The following MYRFL variants were observed in gnomAD, a reference collection of about 807,000 sequenced individuals.
The protein encoded by MYRFL is myelin regulatory factor like.
Under a neutral mutation model 109.4 loss-of-function variants are expected in MYRFL, and 88 were observed. The ratio of observed to expected loss-of-function variants is 0.80; its 90% CI spans 0.68 to 0.96. MYRFL has a LOEUF of 0.96. MYRFL is among the 40% of genes least tolerant of loss of function. The pLI is 0.00. For missense variants in MYRFL, 957 were observed against 954.9 expected, an observed-to-expected ratio of 1.00 and a Z score of -0.03; for synonymous variants, 324 against 320.9, an observed-to-expected ratio of 1.01 and a Z score of -0.10.
At chr12:69,922,051 G>A (rs1041378046) in intron 13 of MYRFL, among the ~76,000 whole-genome samples, 9 of 152,184 alleles carry the variant, frequency 5.9e-5, no homozygotes, top group African/African-American at 2.2e-4. Flanking sequence ...CAGTGAGGAT[G>A]GAGAGAAGTG....
In MYRFL at chr12:69,879,314, G is replaced by A. The variant is rs548027062; in HGVS notation, c.325G>A (p.Asp109Asn). 4 of 702,834 alleles carry A rather than the reference G, an allele frequency of 5.7e-6. No individual in the cohort carries two copies. The highest frequency in any genetic ancestry group is 4.0e-5 in the Admixed American group (2 of 50,008). 43.5% of individuals were successfully genotyped at this position (702,834 alleles called of 1,614,324 possible). ...GCTGCAGAGCACCTCTGGAATGGGC[G>A]ACTCCTGCCAAATCCACGGAGGCTT... is the stretch of plus-strand genomic sequence containing the variant. ...HPLQSTSGMG[D>N]SCQIHGGFHS... is the part of the protein sequence containing the mutation. The change falls in exon 4 of 25, where the codon GAC becomes AAC. Residue 109 changes from aspartate to asparagine, a missense_variant. Physicochemically the swap from Asp to Asn is conservative, Grantham distance 23. Transcript: ENST00000552032.
chr12:69,956,836 T>C lies in MYRFL; in HGVS notation c.2451-986T>C, dbSNP rs537889215. 1.1e-4 allele frequency among the ~76,000 whole-genome samples: 16 copies of C among 152,282 alleles called. 1 individual carries two copies. The South Asian group carries it at 3.3e-3, about 32-fold the overall frequency. ...ATTTCAAGGCAGAGCAAAAGCTAAA[T>C]GTACTATTCTTATAAACTGAAAGTG... is the stretch of plus-strand genomic sequence containing the variant. On this transcript the variant is annotated intron_variant, in intron 22 of 24. Coordinates refer to ENST00000552032, the MANE Select transcript of MYRFL (RefSeq NM_182530.3).
At chr12:69,911,211 G>T (rs1383513041) in intron 13 of MYRFL, among the ~76,000 whole-genome samples, 1 of 152,190 alleles carries the variant, frequency 6.6e-6, no homozygotes, top group African/African-American at 2.4e-5. Context: ...AGTCCACTTA[G>T]CATGAATGCA....
intron 2 of MYRFL, among the ~76,000 whole-genome samples, chr12:69,876,202 G>A (rs1466381717): frequency 6.6e-6 from 1 of 152,152 alleles, no homozygotes; most frequent in Non-Finnish European, 1.5e-5. Flanking sequence ...GAAGGCTGTG[G>A]ATTTCTATCG....
intron 19 of MYRFL, among the ~76,000 whole-genome samples, chr12:69,943,832 T>A (rs1045061228): frequency 6.6e-6 from 1 of 151,778 alleles, no homozygotes; most frequent in Non-Finnish European, 1.5e-5. Flanking sequence ...CAAACACATT[T>A]ACAAGAAAAA....
chr12:69,869,161 A>G (rs1465007105), intron 2 of MYRFL, among the ~76,000 whole-genome samples: 1 of 152,254 alleles, frequency 6.6e-6, no homozygotes. Flanking sequence ...CAAAACAGAT[A>G]TAATCCCTGC....
intron 1 of MYRFL, among the ~76,000 whole-genome samples, chr12:69,829,810 C>T (rs1882511957): frequency 6.6e-6 from 1 of 152,084 alleles, no homozygotes; most frequent in African/African-American, 2.4e-5. Context: ...AATGTGAAAA[C>T]AACTTTGATT....
rs1298228145 is a variant in MYRFL, at chr12:69,891,093, G to A, written c.830G>A (p.Ser277Asn). The A allele has an allele frequency of 3.9e-6, 6 of 1,535,048 alleles. No homozygotes were observed. Among genetic ancestry groups the A allele is most frequent in the Non-Finnish European group, 4.4e-6 (5 of 1,146,520 alleles). Residue 277 changes from serine to asparagine, a missense_variant, in exon 7 of 25, where the codon AGT becomes AAT. Coordinates refer to ENST00000552032, the MANE Select transcript of MYRFL (RefSeq NM_182530.3). Reference sequence around the variant, plus strand: ...ACCATTCACATCCAAGTTTGGGGAAGTCCAAAATTTGTTGAAACCGAGATG... The same window carrying A: ...ACCATTCACATCCAAGTTTGGGGAAATCCAAAATTTGTTGAAACCGAGATG... Reference protein sequence around the residue: ...QITIHIQVWGSPKFVETEMGL... With the variant: ...QITIHIQVWGNPKFVETEMGL...
At chr12:69,881,330 C>T (rs547716340) in intron 5 of MYRFL, among the ~76,000 whole-genome samples, 10 of 152,274 alleles carry the variant, frequency 6.6e-5, no homozygotes, top group East Asian at 3.9e-4. Flanking sequence ...ACAAATTCAG[C>T]GTACCAAGTC....
chr12:69,933,033 T>C (rs1392245077), intron 16 of MYRFL, among the ~76,000 whole-genome samples: 1 of 152,234 alleles, frequency 6.6e-6, no homozygotes, highest in Non-Finnish European at 1.5e-5. Context: ...CTCATATTTA[T>C]GGTAACTCTT....
chr12:69,871,172 C>A (rs1885327056), intron 2 of MYRFL, among the ~76,000 whole-genome samples: 1 of 151,884 alleles, frequency 6.6e-6, no homozygotes, highest in African/African-American at 2.4e-5. Flanking sequence ...CCTGCTCTAC[C>A]CCTGTCTTTA....
At chr12:69,943,152 T>A (rs1057387639) in intron 19 of MYRFL, among the ~76,000 whole-genome samples, 2 of 151,702 alleles carry the variant, frequency 1.3e-5, no homozygotes, top group Non-Finnish European at 2.9e-5. Flanking sequence ...AAGCTACCAA[T>A]GCCTTTCTTC....
At chr12:69,904,525 C>G (rs1200886874) in intron 11 of MYRFL, 1 of 152,264 alleles carries the variant, frequency 6.6e-6, no homozygotes, top group African/African-American at 2.4e-5. Context: ...TCCTTGAACT[C>G]AGTGTCTTCA....
At position 69,882,243 on chromosome 12, in the gene MYRFL, A is replaced by G. The variant is rs369016723; in HGVS notation, c.556+1951A>G. Among the ~76,000 whole-genome samples, 42 of 152,310 alleles carry G rather than the reference A, an allele frequency of 2.8e-4. No homozygotes were observed. In the South Asian group the frequency reaches 8.5e-3, roughly 31 times the overall value. ...CAGGTCACTGAAAAGCTGACTAAAGATAACTGATTCCAGACAACAGTTCCA... is the reference window on the plus strand; with the variant it reads ...CAGGTCACTGAAAAGCTGACTAAAGGTAACTGATTCCAGACAACAGTTCCA... On this transcript the variant is annotated intron_variant, in intron 5 of 24. Transcript: ENST00000552032.
At chr12:69,951,423 CTTTTTTT>C (rs11310328) in intron 19 of MYRFL, among the ~76,000 whole-genome samples, 2 of 89,200 alleles carry the variant, frequency 2.2e-5, no homozygotes, top group Admixed American at 1.3e-4. Flanking sequence ...TCCTAACCTG[CTTTTTTT>C]TTTTTTTTTT....
In MYRFL at chr12:69,952,787, T is replaced by C; in HGVS notation, c.2288-12T>C. The C allele has an allele frequency of 6.7e-7, 1 of 1,497,830 alleles. No homozygotes were observed. Among genetic ancestry groups the C allele is most frequent in the Non-Finnish European group, 8.9e-7 (1 of 1,117,666 alleles). The allele number at this position is 1,497,830 out of a possible 1,614,324, so 92.8% of individuals were successfully genotyped here. On this transcript the variant is annotated splice_polypyrimidine_tract_variant and intron_variant, in intron 20 of 24. Coordinates refer to ENST00000552032, the MANE Select transcript of MYRFL (RefSeq NM_182530.3). ...AGAGTTTATTTACTTTGTCTATTTC[T>C]TCTCAATTCAGGGATTGATACAACC...
rs200435330 is a variant in MYRFL at position 69,936,501 on chromosome 12, A to T, written c.2093A>T (p.Glu698Val). 48 of 1,535,994 alleles carry T rather than the reference A, an allele frequency of 3.1e-5. No individual in the cohort carries two copies. Among genetic ancestry groups the T allele is most frequent in the Non-Finnish European group, 4.1e-5 (47 of 1,146,932 alleles). ...VTTPASLQVP[E>V]ITFCEILPCQ... ...ACACCGGCCTCCTTACAAGTACCTGAAATTACTTTCTGTGAAATCCTGCCG... is the reference window on the plus strand; with the variant it reads ...ACACCGGCCTCCTTACAAGTACCTGTAATTACTTTCTGTGAAATCCTGCCG... Residue 698 changes from glutamate to valine, a missense_variant, in exon 19 of 25, where the codon GAA becomes GTA. Glu to Val is a moderately radical substitution (Grantham distance 121, BLOSUM62 -2). Transcript: ENST00000552032.
intron 10 of MYRFL, among the ~76,000 whole-genome samples, chr12:69,899,759 G>A (rs1954121186): frequency 6.6e-6 from 1 of 152,186 alleles, no homozygotes; most frequent in African/African-American, 2.4e-5. Context: ...TGCTTGGAGA[G>A]AGAATGGTGG....
intron 5 of MYRFL, among the ~76,000 whole-genome samples, chr12:69,882,911 T>A (rs1440946654): frequency 6.6e-6 from 1 of 152,212 alleles, no homozygotes; most frequent in Non-Finnish European, 1.5e-5. Context: ...ATCTCATCTC[T>A]CCAGGAATCT....
Sources: allele counts gnomAD v4.1 joint callset (sites outside exome capture counted in the v4.1 genomes callset), GRCh38; gene constraint gnomAD v4.1.1; transcripts MANE v1.5; gene names NCBI Gene and HGNC (gene_info 2026-07-23, HGNC 2026-07-21).